The following CDH13 variants were observed in gnomAD, a reference collection of about 807,000 sequenced individuals.
CDH13 encodes cadherin 13.
Under a neutral mutation model 63.8 loss-of-function variants are expected in CDH13, and 24 were observed. The ratio of observed to expected loss-of-function variants is 0.38; its 90% confidence interval spans 0.27 to 0.53. The LOEUF (loss-of-function observed/expected upper bound fraction) is 0.53, where lower values mean the gene tolerates loss of function less well. Ranked by LOEUF, CDH13 falls within the 20% of genes least tolerant of loss-of-function variation. CDH13 has a pLI of 0.85. For synonymous variants in CDH13, 503 were observed against 355.3 expected (o/e 1.42, Z -4.67); for missense variants, 1,049 against 903.1 (o/e 1.16, Z -2.07).
At chr16:82,926,261 G>C (rs1567667188) in intron 2 of CDH13, among the ~76,000 whole-genome samples, 1 of 149,712 alleles carries the variant, frequency 6.7e-6, no homozygotes, top group South Asian at 2.1e-4. Context: ...GGACATGACA[G>C]TGTTCCAGTA....
chr16:82,836,928 A>C (rs976035713), intron 1 of CDH13, among the ~76,000 whole-genome samples: 2 of 152,226 alleles, frequency 1.3e-5, no homozygotes, highest in African/African-American at 4.8e-5. Flanking sequence ...TCACCCTTGA[A>C]GAATCTTATT....
chr16:82,628,141 C>T (rs140218744), intron 1 of CDH13, among the ~76,000 whole-genome samples: 4 of 152,324 alleles, frequency 2.6e-5, no homozygotes, highest in Non-Finnish European at 4.4e-5. Context: ...GCACGCCCTG[C>T]GCTGCTCAGG....
chr16:82,940,096 C>G (rs796510463), intron 2 of CDH13, among the ~76,000 whole-genome samples: 1 of 152,076 alleles, frequency 6.6e-6, no homozygotes, highest in African/African-American at 2.4e-5. Flanking sequence ...GAAAGTGCCC[C>G]CATGATTCAA....
At chr16:83,471,744 TC>T (rs1474576439) in intron 6 of CDH13, among the ~76,000 whole-genome samples, 6 of 152,130 alleles carry the variant, frequency 3.9e-5, no homozygotes, top group African/African-American at 1.4e-4. Flanking sequence ...CACCATATGC[TC>T]ACCCGAGCAG....
chr16:83,277,005 C>T (rs1313448380), intron 5 of CDH13, among the ~76,000 whole-genome samples: 1 of 152,116 alleles, frequency 6.6e-6, no homozygotes, highest in Non-Finnish European at 1.5e-5. Context: ...ATGGGAAAGA[C>T]CTGCCCCCAT....
intron 5 of CDH13, among the ~76,000 whole-genome samples, chr16:83,274,587 C>A (rs1030818475): frequency 1.3e-5 from 2 of 152,146 alleles, no homozygotes; most frequent in Non-Finnish European, 2.9e-5. Context: ...TCTTTCCCCC[C>A]AGAGAAACCC....
intron 5 of CDH13, among the ~76,000 whole-genome samples, chr16:83,321,127 G>A (rs1045880109): frequency 3.3e-5 from 5 of 152,252 alleles, no homozygotes; most frequent in African/African-American, 7.2e-5. Flanking sequence ...CCTTCCTGAT[G>A]TCTCACTATT....
At position 83,490,473 on chromosome 16, in the gene CDH13, C is replaced by G. The variant is rs143998347; in HGVS notation, c.960+3818C>G. 2.6e-5 allele frequency among the ~76,000 whole-genome samples: 4 copies of G among 152,282 alleles called. No homozygotes were observed. In the East Asian group the frequency reaches 7.7e-4, roughly 29 times the overall value. On this transcript the variant is annotated intron_variant, in intron 7 of 13. Coordinates refer to ENST00000567109, the MANE Select transcript of CDH13 (RefSeq NM_001257.5). ...TCTTCTTCCCACCCTCCTCCCTTCC[C>G]AGGATGTCTCACATGGAGCCATCTG...
At chr16:82,860,644 A>C (rs1597826945) in intron 2 of CDH13, among the ~76,000 whole-genome samples, 1 of 10,826 alleles carries the variant, frequency 9.2e-5, no homozygotes, top group African/African-American at 8.3e-4. Context: ...TTACTAAGGT[A>C]AAAAAAAAAA....
chr16:82,895,333 C>T (rs1045632831), intron 2 of CDH13, among the ~76,000 whole-genome samples: 10 of 152,068 alleles, frequency 6.6e-5, no homozygotes, highest in African/African-American at 2.4e-4. Context: ...GGCTTGTTAC[C>T]CTCCCTCCTT....
At chr16:83,524,673 C>G (rs1395299833) in intron 7 of CDH13, among the ~76,000 whole-genome samples, 1 of 151,898 alleles carries the variant, frequency 6.6e-6, no homozygotes, top group Non-Finnish European at 1.5e-5. Context: ...AGGATGGTCT[C>G]GATCTCCTGA....
chr16:83,205,243 G>C (rs2039147550), intron 4 of CDH13, among the ~76,000 whole-genome samples: 1 of 152,202 alleles, frequency 6.6e-6, no homozygotes, highest in Non-Finnish European at 1.5e-5. Flanking sequence ...GAAACACACA[G>C]CATGCATTAA....
At chr16:83,109,728 A>G (rs189008204) in intron 3 of CDH13, among the ~76,000 whole-genome samples, 2 of 152,190 alleles carry the variant, frequency 1.3e-5, no homozygotes, top group African/African-American at 4.8e-5. Context: ...GCGCTGCAAG[A>G]TGCCTCCAGC....
intron 10 of CDH13, among the ~76,000 whole-genome samples, chr16:83,698,037 T>A (rs1905653841): frequency 6.6e-6 from 1 of 152,244 alleles, no homozygotes; most frequent in Non-Finnish European, 1.5e-5. Context: ...CTCCCCACAC[T>A]AAACTGTAAA....
At chr16:82,630,341 T>C (rs959719730) in intron 1 of CDH13, among the ~76,000 whole-genome samples, 2 of 152,182 alleles carry the variant, frequency 1.3e-5, no homozygotes, top group Admixed American at 6.5e-5. Context: ...TATTTTTTTT[T>C]AGCAAGTCCC....
At chr16:83,031,978 A>G in intron 2 of CDH13, 32 bp from the exon 3 acceptor site, 1 of 1,533,172 alleles carries the variant, frequency 6.5e-7, no homozygotes, top group Non-Finnish European at 8.9e-7. Context: ...CAACCTACTC[A>G]TGCTCCTTCT....
intron 1 of CDH13, among the ~76,000 whole-genome samples, chr16:82,837,285 C>T (rs1430024793): frequency 6.6e-6 from 1 of 152,118 alleles, no homozygotes; most frequent in African/African-American, 2.4e-5. Flanking sequence ...GGAGAGCTTG[C>T]CTACCTCAGA....
chr16:82,667,848 G>A (rs1256705234), intron 1 of CDH13, among the ~76,000 whole-genome samples: 1 of 152,132 alleles, frequency 6.6e-6, no homozygotes. Flanking sequence ...TGCTGTTAGG[G>A]AGCCTTTTCA....
chr16:83,655,432 G>A (rs1374205721), intron 8 of CDH13, among the ~76,000 whole-genome samples: 1 of 152,190 alleles, frequency 6.6e-6, no homozygotes, highest in African/African-American at 2.4e-5. Context: ...ATCCTCTGAG[G>A]TGGGGCACTG....
Sources: allele counts gnomAD v4.1 joint callset (sites outside exome capture counted in the v4.1 genomes callset), GRCh38; gene constraint gnomAD v4.1.1; transcripts MANE v1.5; gene names NCBI Gene and HGNC (gene_info 2026-07-23, HGNC 2026-07-21).